AHNAK2: variants seen among roughly 807,000 people sequenced by gnomAD.
The protein encoded by AHNAK2 is protein AHNAK2.
In AHNAK2, 18 loss-of-function variants were observed where a neutral mutation model predicts 30.7. That is an observed-to-expected ratio of 0.59 (90% CI 0.41 to 0.87). The LOEUF (loss-of-function observed/expected upper bound fraction) is 0.87, where lower values mean the gene tolerates loss of function less well. Ranked by LOEUF, AHNAK2 falls within the 40% of genes least tolerant of loss-of-function variation. The probability of loss-of-function intolerance (pLI) is 0.00; values close to 1 mark genes in which losing one functional copy is unlikely to be tolerated. For synonymous variants in AHNAK2, 3,590 were observed against 3,073.8 expected (o/e 1.17, Z -5.56); for missense variants, 8,604 against 7,373.0 (o/e 1.17, Z -6.11).
chr14:104,975,629 C>A (rs1338964510), intron 1 of AHNAK2, among the ~76,000 whole-genome samples: 1 of 152,234 alleles, frequency 6.6e-6, no homozygotes, highest in Non-Finnish European at 1.5e-5. Context: ...ACATTCTGCT[C>A]TGGCCCCTAA....
Position 104,948,174 on chromosome 14 carries a change from G to C in AHNAK2, c.7277C>G (p.Pro2426Arg), listed in dbSNP as rs1898410007. 1 of 1,612,674 alleles carries C rather than the reference G, an allele frequency of 6.2e-7. No homozygotes were observed. Among genetic ancestry groups the C allele is most frequent in the Non-Finnish European group, 8.5e-7 (1 of 1,179,566 alleles). Residue 2426 changes from proline (P) to arginine (R), a missense_variant, in exon 7 of 7, where the codon CCC becomes CGC. Pro to Arg is a moderately radical substitution (Grantham distance 103). Coordinates refer to ENST00000333244, the MANE Select transcript of AHNAK2 (RefSeq NM_138420.4). ...LKGPQIDVKG[P>R]KLDLKGPKTD... is the part of the protein sequence containing the mutation. ...CTTGGGGCCTTTCAGGTCCAGCTTG[G>C]GGCCCTTGACATCTATCTGGGGGCC...
Position 104,943,332 on chromosome 14 carries a change from G to A in AHNAK2, c.12119C>T (p.Pro4040Leu), listed in dbSNP as rs1250309756. 1.2e-6 allele frequency: 2 copies of A among 1,610,428 alleles called. No homozygotes were observed. The highest frequency in any genetic ancestry group is 1.7e-6 in the Non-Finnish European group (2 of 1,178,712). ...TTTGAGGCTGGCTCCCTCGGGCACGGGGCCCTCTGGGAGTTTCACGTCCAC... is the reference window on the plus strand; with the variant it reads ...TTTGAGGCTGGCTCCCTCGGGCACGAGGCCCTCTGGGAGTTTCACGTCCAC... ...GQVDVKLPEG[P>L]VPEGASLKGH... The change falls in exon 7 of 7, where the codon CCC becomes CTC. Residue 4040 changes from proline (P) to leucine (L), a missense_variant. Transcript: ENST00000333244.
At chr14:104,959,543 G>A (rs1054947781) in intron 1 of AHNAK2, among the ~76,000 whole-genome samples, 1 of 152,182 alleles carries the variant, frequency 6.6e-6, no homozygotes, top group Non-Finnish European at 1.5e-5. Context: ...AGGCTGAGGC[G>A]GGAGGATAGC....
At chr14:104,978,132 G>A in intron 1 of AHNAK2, 51 bp downstream of exon 1, 2 of 1,202,480 alleles carry the variant, frequency 1.7e-6, no homozygotes, top group Non-Finnish European at 2.1e-6. Context: ...GCGCCCTCGC[G>A]CGTAGCCCAC....
At chr14:104,972,174 G>T (rs78302068) in intron 1 of AHNAK2, among the ~76,000 whole-genome samples, 2,754 of 152,312 alleles carry the variant, frequency 0.018, 83 homozygotes, top group African/African-American at 0.063. Flanking sequence ...CCTGAAAGGT[G>T]GGGACCTGAT....
Position 104,952,159 on chromosome 14 carries a change from C to T in AHNAK2, c.3292G>A (p.Gly1098Ser). ...GGGCCCTTGACGTCCACCTGGGGGCCCTTGAGGGCCACTTTGGGCATCTTG... is the reference window on the plus strand; with the variant it reads ...GGGCCCTTGACGTCCACCTGGGGGCTCTTGAGGGCCACTTTGGGCATCTTG... ...SFKMPKVALKGPQVDVKGPKL... is the reference protein window; with the variant it reads ...SFKMPKVALKSPQVDVKGPKL... Residue 1098 changes from glycine (G) to serine (S), a missense_variant, in exon 7 of 7, where the codon GGC (glycine) becomes AGC (serine). By Grantham distance (56) the Gly-to-Ser change is moderately conservative. Coordinates refer to ENST00000333244, the MANE Select transcript of AHNAK2 (RefSeq NM_138420.4). 2.5e-6 allele frequency: 4 copies of T among 1,612,354 alleles called. No homozygotes were observed. Among genetic ancestry groups the T allele is most frequent in the Non-Finnish European group, 2.5e-6 (3 of 1,179,556 alleles).
Position 104,949,319 on chromosome 14 carries a change from G to A in AHNAK2, c.6132C>T (p.Asp2044=), listed in dbSNP as rs753029896. 3.2e-6 allele frequency: 4 copies of A among 1,266,338 alleles called. No homozygotes were observed. In the East Asian group the frequency reaches 9.0e-5, roughly 29 times the overall value. The allele number at this position is 1,266,338 out of a possible 1,614,324, so 78.4% of individuals were successfully genotyped here. ...TDLSIQPPSA[D]LKVQTGQVDV... ...CCACCTGGCCAGTCTGGACCTTCAG[G>A]TCGGCAGAAGGGGGCTGAATGCTGA... is the stretch of plus-strand genomic sequence containing the variant. Residue 2044 remains aspartate (D), a synonymous_variant, in exon 7 of 7, where the codon GAC becomes GAT. Coordinates refer to ENST00000333244, the MANE Select transcript of AHNAK2 (RefSeq NM_138420.4).
In AHNAK2 at chr14:104,939,400, G is replaced by A; in HGVS notation, c.16051C>T (p.Pro5351Ser). 1 of 1,613,598 alleles carries A rather than the reference G, an allele frequency of 6.2e-7. No individual in the cohort carries two copies. The highest frequency in any genetic ancestry group is 8.5e-7 in the Non-Finnish European group (1 of 1,179,880). ...EDKTEKWSSQ[P>S]EGPLKLKASS... ...GCTTTCAATTTAAGTGGACCTTCAG[G>A]CTGGGAAGACCATTTCTCTGTTTTA... Residue 5351 changes from proline to serine, a missense_variant, in exon 7 of 7, where the codon CCT becomes TCT. Physicochemically the swap from Pro to Ser is moderately conservative, Grantham distance 74 (BLOSUM62 -1). Transcript: ENST00000333244.
chr14:104,945,612 G>T lies in AHNAK2; in HGVS notation c.9839C>A (p.Ala3280Asp), dbSNP rs191490316. The T allele has an allele frequency of 6.2e-5, 99 of 1,596,866 alleles. 3 individuals carry two copies. The East Asian group carries it at 9.6e-4, about 16-fold the overall frequency. Reference protein sequence around the residue: ...SQPSMEVDVEAPGAKLDGARL... With the variant: ...SQPSMEVDVEDPGAKLDGARL... ...TGCACCATCCAACTTGGCTCCTGGG[G>T]CCTCGACGTCCACCTCCATGCTGGG... Residue 3280 changes from alanine (A) to aspartate (D), a missense_variant, in exon 7 of 7, where the codon GCC becomes GAC. Transcript: ENST00000333244.
rs922190315 is a variant in AHNAK2 at position 104,937,541 on chromosome 14, G to A, written c.*522C>T. On this transcript the variant is annotated 3_prime_UTR_variant, in exon 7 of 7. Coordinates refer to ENST00000333244, the MANE Select transcript of AHNAK2 (RefSeq NM_138420.4). ...ACATCTTGAAACTTGCCATTAGTGA[G>A]GCATTCAACAAAGAAGTAAGCTAAG... 1 of 152,766 alleles carries A rather than the reference G, an allele frequency of 6.5e-6. No individual in the cohort carries two copies. The highest frequency in any genetic ancestry group is 2.4e-5 in the African/African-American group (1 of 41,456). The allele number at this position is 152,766 out of a possible 1,614,324, so 9.5% of individuals were successfully genotyped here. A position where few individuals can be genotyped will look rare whatever the true frequency, so the allele number is the denominator to read the frequency against.
rs202215045 is a variant in AHNAK2, at chr14:104,951,277, A to G, written c.4174T>C (p.Leu1392=). The G allele has an allele frequency of 1.2e-5, 12 of 1,043,454 alleles. 2 individuals carry two copies. In the East Asian group the frequency reaches 2.9e-4, roughly 25 times the overall value. 64.6% of individuals were successfully genotyped at this position (1,043,454 alleles called of 1,614,324 possible). The change falls in exon 7 of 7, where the codon TTG becomes CTG. Residue 1392 remains leucine (L), a synonymous_variant. Transcript: ENST00000333244. The stretch of plus-strand genomic sequence containing the variant: ...GGGCCCTCTGGGAGTTTCACGTCCA[A>G]TTGGCCAGCCTGGAGCTCCAGGTCA... The part of the protein sequence containing the change: ...STDLELQAGQ[L]DVKLPEGPVP...
intron 1 of AHNAK2, among the ~76,000 whole-genome samples, chr14:104,961,216 CA>C (rs1899126403): frequency 6.6e-6 from 1 of 151,660 alleles, no homozygotes; most frequent in African/African-American, 2.4e-5. Flanking sequence ...GGATGGAGTG[CA>C]AAAGTTGCTG....
rs1898699646 is a variant in AHNAK2 at position 104,951,393 on chromosome 14, A to T, written c.4058T>A (p.Leu1353Gln). Residue 1353 changes from leucine to glutamine, a missense_variant, in exon 7 of 7, where the codon CTG becomes CAG. Leu to Gln is a moderately radical substitution (Grantham distance 113). Transcript: ENST00000333244. ...GTCGGCCTCCACCTTGGGTGCAGAC[A>T]GGTCCACGGAGGCCTCAATGGACTT... Reference protein sequence around the residue: ...PGKSIEASVDLSAPKVEADMS... With the variant: ...PGKSIEASVDQSAPKVEADMS... 2 of 1,094,704 alleles carry T rather than the reference A, an allele frequency of 1.8e-6. No individual in the cohort carries two copies. The highest frequency in any genetic ancestry group is 2.9e-5 in the African/African-American group (2 of 69,542). The allele number at this position is 1,094,704 out of a possible 1,614,324, so 67.8% of individuals were successfully genotyped here. A position where few individuals can be genotyped will look rare whatever the true frequency, so the allele number is the denominator to read the frequency against.
intron 1 of AHNAK2, among the ~76,000 whole-genome samples, chr14:104,964,698 G>T (rs912193982): frequency 1.3e-5 from 2 of 152,204 alleles, no homozygotes; most frequent in South Asian, 2.1e-4. Flanking sequence ...GATATAAAAA[G>T]CGCTCGTACC....
chr14:104,975,834 C>T (rs1437398858), intron 1 of AHNAK2, among the ~76,000 whole-genome samples: 4 of 152,168 alleles, frequency 2.6e-5, no homozygotes, highest in Admixed American at 2.0e-4. Context: ...CTCCTGACCC[C>T]GAATGTGAGG....
At position 104,948,164 on chromosome 14, in the gene AHNAK2, G is replaced by A. The variant is rs367932260; in HGVS notation, c.7287C>T (p.Asp2429=). ...TCACGTCCGTCTTGGGGCCTTTCAG[G>A]TCCAGCTTGGGGCCCTTGACATCTA... ...PQIDVKGPKL[D]LKGPKTDVMA... is the part of the protein sequence containing the mutation. The change falls in exon 7 of 7, where the codon GAC becomes GAT. Residue 2429 remains aspartate, a synonymous_variant. Coordinates refer to ENST00000333244, the MANE Select transcript of AHNAK2 (RefSeq NM_138420.4). 1.2e-5 allele frequency: 20 copies of A among 1,612,372 alleles called. No homozygotes were observed. Among genetic ancestry groups the A allele is most frequent in the Non-Finnish European group, 1.7e-5 (20 of 1,179,562 alleles).
chr14:104,948,999 C>A lies in AHNAK2; in HGVS notation c.6452G>T (p.Ser2151Ile). The A allele has an allele frequency of 2.5e-6, 3 of 1,222,616 alleles. 1 individual carries two copies. Among genetic ancestry groups the A allele is most frequent in the Non-Finnish European group, 3.5e-6 (3 of 859,920 alleles). The allele number at this position is 1,222,616 out of a possible 1,614,324, so 75.7% of individuals were successfully genotyped here. Reference protein sequence around the residue: ...LANKDLTTKDSKFKMPKFKMP... With the variant: ...LANKDLTTKDIKFKMPKFKMP... ...CTTGAACTTGGGCATTTTGAACTTG[C>A]TGTCTTTGGTAGTCAGGTCCTTGTT... The change falls in exon 7 of 7, where the codon AGC becomes ATC. Residue 2151 changes from serine (S) to isoleucine (I), a missense_variant. Ser to Ile is a moderately radical substitution (Grantham distance 142). Coordinates refer to ENST00000333244, the MANE Select transcript of AHNAK2 (RefSeq NM_138420.4).
Position 104,937,774 on chromosome 14 carries a change from C to A in AHNAK2, c.*289G>T, listed in dbSNP as rs1897847825. 5.3e-6 allele frequency: 2 copies of A among 374,724 alleles called. No individual in the cohort carries two copies. Among genetic ancestry groups the A allele is most frequent in the Non-Finnish European group, 9.5e-6 (2 of 210,150 alleles). 23.2% of individuals were successfully genotyped at this position (374,724 alleles called of 1,614,324 possible). ...TGGAAATTTATCTAATAAAGACCAA[C>A]AAACTTCCCCAGCAGTGCCTCTGAG... On this transcript the variant is annotated 3_prime_UTR_variant, in exon 7 of 7. Transcript: ENST00000333244.
rs1898023327 is a variant in AHNAK2 at position 104,942,207 on chromosome 14, AC to A, written c.13243del (p.Val4415TrpfsTer3). 1 of 1,604,410 alleles carries A rather than the reference AC, an allele frequency of 6.2e-7. No homozygotes were observed. The highest frequency in any genetic ancestry group is 8.5e-7 in the Non-Finnish European group (1 of 1,175,870). The part of the protein sequence containing the change: ...VPKLDLKGPK[V>X]EVTSPNLDVS... ...GTCCAGGTTGGGGGACGTCACCTCC[AC>A]CTTGGGGCCTTTCAGGTCCAGCTTG... On this transcript the variant is annotated frameshift_variant, in exon 7 of 7. Transcript: ENST00000333244. LOFTEE classifies it low-confidence loss of function (END_TRUNC).
Sources: allele counts gnomAD v4.1 joint callset (sites outside exome capture counted in the v4.1 genomes callset), GRCh38; gene constraint gnomAD v4.1.1; transcripts MANE v1.5; gene names NCBI Gene and HGNC (gene_info 2026-07-23, HGNC 2026-07-21).